The following SRRM1 variants were observed in gnomAD, a reference collection of about 807,000 sequenced individuals.
SRRM1 encodes serine/arginine repetitive matrix protein 1.
SRRM1 carries 19 observed loss-of-function variants against 110.2 expected under a neutral mutation model. That is an observed-to-expected ratio of 0.17 (90% confidence interval 0.12 to 0.25). SRRM1 has a LOEUF of 0.25. Among genes scored for constraint, SRRM1 ranks in the 10% least tolerant of loss-of-function variants. The probability of loss-of-function intolerance (pLI) is 1.00; values close to 1 mark genes in which losing one functional copy is unlikely to be tolerated. For synonymous variants in SRRM1, 443 were observed against 414.9 expected, an observed-to-expected ratio of 1.07 and a Z score of -0.82; for missense variants, 918 against 1,145.8, an observed-to-expected ratio of 0.80 and a Z score of 2.87.
chr1:24,657,377 C>CT (rs1284180711), intron 9 of SRRM1, among the ~76,000 whole-genome samples: 2 of 152,194 alleles, frequency 1.3e-5, no homozygotes, highest in Non-Finnish European at 2.9e-5. Context: ...ATAGTGAATA[C>CT]TTTTCACAAC....
chr1:24,661,893 C>T (rs1667420639), intron 11 of SRRM1, among the ~76,000 whole-genome samples: 1 of 152,042 alleles, frequency 6.6e-6, no homozygotes, highest in African/African-American at 2.4e-5. Context: ...CAAGACCATC[C>T]TGGCCAATAG....
Position 24,669,425 on chromosome 1 carries a change from G to A in SRRM1, c.2042G>A (p.Arg681Gln), listed in dbSNP as rs930117587. ...REARSPQPNK[R>Q]HSPSPRPRAP... Reference sequence around the variant, plus strand: ...GCCCGATCACCACAACCAAACAAACGGCATTCGCCCTCACCACGGCCTCGA... The same window carrying A: ...GCCCGATCACCACAACCAAACAAACAGCATTCGCCCTCACCACGGCCTCGA... The change falls in exon 14 of 17, where the codon CGG becomes CAG. Residue 681 changes from arginine to glutamine, a missense_variant. Transcript: ENST00000323848. 8 of 1,614,002 alleles carry A rather than the reference G, an allele frequency of 5.0e-6. No homozygotes were observed. The highest frequency in any genetic ancestry group is 2.2e-5 in the East Asian group (1 of 44,888).
chr1:24,648,640 T>C, intron 3 of SRRM1: 1 of 454,346 alleles, frequency 2.2e-6, no homozygotes, highest in South Asian at 4.2e-5. Context: ...GCTCTGATGC[T>C]TTTGGTAGAG....
At position 24,646,048 on chromosome 1, in the gene SRRM1, A is replaced by G; in HGVS notation, c.86A>G (p.Lys29Arg). ...NKQKKLLKQL[K>R]FAECLEKKVD... Reference sequence around the variant, plus strand: ...CAGAAGAAACTACTGAAGCAGCTGAAATTTGCAGAATGCCTAGAAAAAAAG... The same window carrying G: ...CAGAAGAAACTACTGAAGCAGCTGAGATTTGCAGAATGCCTAGAAAAAAAG... Residue 29 changes from lysine to arginine, a missense_variant, in exon 2 of 17, where the codon AAA becomes AGA. Around this residue, in one of 5 missense-constraint regions of SRRM1, gnomAD observed 38 missense variants for 144.5 expected, o/e 0.26. Coordinates refer to ENST00000323848, the MANE Select transcript of SRRM1 (RefSeq NM_005839.4). 3.1e-6 allele frequency: 5 copies of G among 1,613,256 alleles called. No individual in the cohort carries two copies. In the South Asian group the frequency reaches 5.5e-5, roughly 18 times the overall value.
In SRRM1 at chr1:24,666,669, G is replaced by C. The variant is rs28570361; in HGVS notation, c.1629-146G>C. On this transcript the variant is annotated intron_variant, in intron 12 of 16. Transcript: ENST00000323848. ...AATCCCAACTACTCAGGAGGCTGAG[G>C]GGGGAGAATTGCTTGAACCTGGGAG... 6,887 of 593,826 alleles carry C rather than the reference G, an allele frequency of 0.012. 341 individuals carry two copies. In the African/African-American group the frequency reaches 0.12, roughly 10 times the overall value. The allele number at this position is 593,826 out of a possible 1,614,324, so 36.8% of individuals were successfully genotyped here. A position where few individuals can be genotyped will look rare whatever the true frequency, so the allele number is the denominator to read the frequency against.
intron 6 of SRRM1, among the ~76,000 whole-genome samples, chr1:24,652,055 T>TATATATATATAC (rs1174608812): frequency 7.6e-6 from 1 of 131,202 alleles, no homozygotes; most frequent in South Asian, 2.4e-4. Context: ...TATATATATA[T>TATATATATATAC]ATATATATGT....
chr1:24,672,366 T>A lies in SRRM1; in HGVS notation c.*80T>A. On this transcript the variant is annotated 3_prime_UTR_variant, in exon 17 of 17. Coordinates refer to ENST00000323848, the MANE Select transcript of SRRM1 (RefSeq NM_005839.4). ...CAAAATTGCTAAAATGTGTTTGAGC[T>A]TTAGACTATAACATTTGTTGTAATA... The A allele has an allele frequency of 1.1e-6, 1 of 950,196 alleles. No individual in the cohort carries two copies. The highest frequency in any genetic ancestry group is 2.5e-5 in the Admixed American group (1 of 40,198). 58.9% of individuals were successfully genotyped at this position (950,196 alleles called of 1,614,324 possible).
chr1:24,658,670 T>C (rs1665576496), intron 9 of SRRM1, among the ~76,000 whole-genome samples: 1 of 152,168 alleles, frequency 6.6e-6, no homozygotes, highest in Non-Finnish European at 1.5e-5. Flanking sequence ...CATAATATCT[T>C]TGCAGAAATT....
At chr1:24,672,097 C>T in intron 16 of SRRM1, 85 bp from the exon 17 acceptor site, 1 of 1,016,982 alleles carries the variant, frequency 9.8e-7, no homozygotes, top group Non-Finnish European at 1.5e-6. Context: ...TGTGATGTTC[C>T]CCTCCCACAC....
chr1:24,662,900 A>G, intron 12 of SRRM1, 96 bp downstream of exon 12: 2 of 1,506,550 alleles, frequency 1.3e-6, no homozygotes, highest in East Asian at 2.3e-5. Context: ...AACTCCTTCA[A>G]GTATTTGGAT....
rs759487972 is a variant in SRRM1 at position 24,669,138 on chromosome 1, C to T, written c.1755C>T (p.Pro585=). 4.4e-6 allele frequency: 7 copies of T among 1,607,504 alleles called. No homozygotes were observed. The Admixed American group carries it at 6.7e-5, about 15-fold the overall frequency. The change falls in exon 14 of 17, where the codon CCC becomes CCT. Residue 585 remains proline (P), a synonymous_variant. Coordinates refer to ENST00000323848, the MANE Select transcript of SRRM1 (RefSeq NM_005839.4). ...TTTTTCCTAGGACTCCTTCTCCTCCCCCACGTCGGCGCTCACCTTCTCCTA... is the reference window on the plus strand; with the variant it reads ...TTTTTCCTAGGACTCCTTCTCCTCCTCCACGTCGGCGCTCACCTTCTCCTA... ...PPPRRRTPSP[P]PRRRSPSPRR...
chr1:24,657,415 T>A (rs1052141497), intron 9 of SRRM1, among the ~76,000 whole-genome samples: 2 of 152,252 alleles, frequency 1.3e-5, no homozygotes, highest in Non-Finnish European at 2.9e-5. Context: ...CTTCTTTGAT[T>A]GCTAAAGGTG....
intron 9 of SRRM1, among the ~76,000 whole-genome samples, chr1:24,657,977 G>A (rs745599218): frequency 3.3e-5 from 5 of 152,064 alleles, no homozygotes; most frequent in East Asian, 3.9e-4. Flanking sequence ...TAGGACTGTT[G>A]GAGTAAATTT....
chr1:24,671,551 A>G lies in SRRM1; in HGVS notation c.2566A>G (p.Thr856Ala). The change falls in exon 16 of 17, where the codon ACA (threonine) becomes GCA (alanine). Residue 856 changes from threonine (T) to alanine (A), a missense_variant. Thr to Ala is a moderately conservative substitution (Grantham distance 58). Coordinates refer to ENST00000323848, the MANE Select transcript of SRRM1 (RefSeq NM_005839.4). ...TGCAGCCATTGCAGCTGCCACAACCACATTAGCACAGGAAGAGCCAGTGGC... is the reference window on the plus strand; with the variant it reads ...TGCAGCCATTGCAGCTGCCACAACCGCATTAGCACAGGAAGAGCCAGTGGC... ...TPAAIAAATTTLAQEEPVAAP... is the reference protein window; with the variant it reads ...TPAAIAAATTALAQEEPVAAP... The G allele has an allele frequency of 6.2e-7, 1 of 1,606,208 alleles. No individual in the cohort carries two copies. The highest frequency in any genetic ancestry group is 8.5e-7 in the Non-Finnish European group (1 of 1,177,906).
intron 8 of SRRM1, among the ~76,000 whole-genome samples, chr1:24,653,495 A>G (rs978633884): frequency 2.6e-5 from 4 of 152,340 alleles, no homozygotes; most frequent in Admixed American, 2.0e-4. Context: ...AATGAAGCTT[A>G]TAAGTAATTC....
At chr1:24,645,504 A>G (rs1656923149) in intron 1 of SRRM1, among the ~76,000 whole-genome samples, 1 of 152,206 alleles carries the variant, frequency 6.6e-6, no homozygotes, top group African/African-American at 2.4e-5. Flanking sequence ...CAAGTTCCTA[A>G]AAGTTGTAGA....
intron 6 of SRRM1, among the ~76,000 whole-genome samples, 189 bp downstream of exon 6, chr1:24,651,801 A>G (rs1384677884): frequency 6.6e-6 from 1 of 151,762 alleles, no homozygotes; most frequent in African/African-American, 2.4e-5. Flanking sequence ...GGTGACCATT[A>G]CTATCTTTTG....
intron 11 of SRRM1, among the ~76,000 whole-genome samples, chr1:24,662,375 C>G (rs1667710291): frequency 6.6e-6 from 1 of 152,150 alleles, no homozygotes; most frequent in East Asian, 1.9e-4. Flanking sequence ...CTTGGCCTCC[C>G]AAATGCTGGG....
At chr1:24,651,974 C>G (rs956991514) in intron 6 of SRRM1, among the ~76,000 whole-genome samples, 1 of 144,190 alleles carries the variant, frequency 6.9e-6, no homozygotes, top group African/African-American at 2.5e-5. Flanking sequence ...ATCGCTTGAG[C>G]TCACAAGTTA....
Sources: allele counts gnomAD v4.1 joint callset (sites outside exome capture counted in the v4.1 genomes callset), GRCh38; gene constraint gnomAD v4.1.1; regional missense constraint gnomAD v4.1.1; transcripts MANE v1.5; gene names NCBI Gene and HGNC (gene_info 2026-07-23, HGNC 2026-07-21).